SYNDIG1: variants seen among roughly 807,000 people sequenced by gnomAD.
The protein encoded by SYNDIG1 is synapse differentiation-inducing gene protein 1.
SYNDIG1 carries 9 observed loss-of-function variants against 19.4 expected under a neutral mutation model. The observed-to-expected ratio is 0.46, with a 90% CI of 0.28 to 0.81. SYNDIG1 has a LOEUF of 0.81. Among genes scored for constraint, SYNDIG1 ranks in the 30% least tolerant of loss-of-function variants. The probability of loss-of-function intolerance (pLI) is 0.12; values close to 1 mark genes in which losing one functional copy is unlikely to be tolerated. For missense variants in SYNDIG1, 311 were observed against 343.3 expected, an observed-to-expected ratio of 0.91 and a Z score of 0.74; for synonymous variants, 141 against 145.9, an observed-to-expected ratio of 0.97 and a Z score of 0.24.
At chr20:24,641,808 G>A (rs1018328032) in intron 3 of SYNDIG1, among the ~76,000 whole-genome samples, 11 of 152,250 alleles carry the variant, frequency 7.2e-5, no homozygotes, top group Admixed American at 2.0e-4. Flanking sequence ...CCCATGCCAC[G>A]CCCTGATGTT....
chr20:24,537,412 A>G (rs1156256320), intron 1 of SYNDIG1, among the ~76,000 whole-genome samples: 5 of 151,978 alleles, frequency 3.3e-5, no homozygotes. Context: ...TTTTCTCAGT[A>G]TGGTATACAG....
At chr20:24,597,715 C>T (rs1887057) in intron 3 of SYNDIG1, among the ~76,000 whole-genome samples, 30,336 of 152,030 alleles carry the variant, frequency 0.2, 3,706 homozygotes, top group Admixed American at 0.35. Context: ...CCAGCGAACA[C>T]GGGGGAAATG....
intron 1 of SYNDIG1, among the ~76,000 whole-genome samples, chr20:24,509,011 T>C (rs573480890): frequency 6.6e-6 from 1 of 152,208 alleles, no homozygotes; most frequent in South Asian, 2.1e-4. Flanking sequence ...CAGTAAAAAA[T>C]GTAAAGAATC....
chr20:24,654,747 A>C (rs1262939739), intron 3 of SYNDIG1, among the ~76,000 whole-genome samples: 1 of 152,192 alleles, frequency 6.6e-6, no homozygotes, highest in African/African-American at 2.4e-5. Context: ...TCAACATTTT[A>C]GAACACCCAG....
Position 24,630,666 on chromosome 20 carries a change from A to G in SYNDIG1, c.619-34680A>G, listed in dbSNP as rs2059226278. ...CTTACGTGGCTGCAGCAACATCCAC[A>G]CTCCTGAGGTCCTGGGTCCTGGGAG... On this transcript the variant is annotated intron_variant, in intron 3 of 3. Coordinates refer to ENST00000376862, the MANE Select transcript of SYNDIG1 (RefSeq NM_024893.3). 2.0e-5 allele frequency among the ~76,000 whole-genome samples: 3 copies of G among 151,868 alleles called. No individual in the cohort carries two copies. The South Asian group carries it at 6.2e-4, about 31-fold the overall frequency.
intron 3 of SYNDIG1, among the ~76,000 whole-genome samples, chr20:24,612,394 T>A (rs2147183559): frequency 6.6e-6 from 1 of 152,308 alleles, no homozygotes; most frequent in South Asian, 2.1e-4. Context: ...ATGGTCCCTG[T>A]TGACATAAAC....
At chr20:24,664,153 G>A (rs758206311) in intron 3 of SYNDIG1, among the ~76,000 whole-genome samples, 5 of 151,820 alleles carry the variant, frequency 3.3e-5, no homozygotes, top group East Asian at 1.9e-4. Context: ...GCCAAGCAGC[G>A]GCAGGCATCC....
chr20:24,661,794 G>A (rs1246970823), intron 3 of SYNDIG1, among the ~76,000 whole-genome samples: 1 of 152,092 alleles, frequency 6.6e-6, no homozygotes, highest in Non-Finnish European at 1.5e-5. Flanking sequence ...AGCGTCAGAA[G>A]GAAGCAGGGC....
At chr20:24,533,056 G>T (rs1568617594) in intron 1 of SYNDIG1, among the ~76,000 whole-genome samples, 1 of 151,922 alleles carries the variant, frequency 6.6e-6, no homozygotes, top group African/African-American at 2.4e-5. Flanking sequence ...CGTCTTTTAG[G>T]GGCAGGATTA....
At chr20:24,576,678 C>T (rs1266774333) in intron 2 of SYNDIG1, among the ~76,000 whole-genome samples, 1 of 152,114 alleles carries the variant, frequency 6.6e-6, no homozygotes, top group African/African-American at 2.4e-5. Context: ...GTAATGACCA[C>T]CCCCGTCCCT....
intron 3 of SYNDIG1, among the ~76,000 whole-genome samples, chr20:24,602,778 G>C (rs1319370666): frequency 6.6e-6 from 1 of 152,126 alleles, no homozygotes; most frequent in Non-Finnish European, 1.5e-5. Flanking sequence ...TTACCAGTCT[G>C]GCATTATTAG....
At chr20:24,663,214 C>T (rs1262532185) in intron 3 of SYNDIG1, among the ~76,000 whole-genome samples, 1 of 152,190 alleles carries the variant, frequency 6.6e-6, no homozygotes, top group East Asian at 1.9e-4. Flanking sequence ...CTTGCTAAGG[C>T]TGCATCTGTT....
chr20:24,530,442 G>C lies in SYNDIG1; in HGVS notation c.-78-12578G>C, dbSNP rs143350860. ...ATGCTAAATAGTAATAACTGATCTG[G>C]TCCCAAATGTTTCATTAACTCTCTC... On this transcript the variant is annotated intron_variant, in intron 1 of 3. Transcript: ENST00000376862. Among the ~76,000 whole-genome samples, 4 of 152,286 alleles carry C rather than the reference G, an allele frequency of 2.6e-5. No homozygotes were observed. In the East Asian group the frequency reaches 7.7e-4, roughly 29 times the overall value.
At chr20:24,582,450 ATCCT>A (rs146994799) in intron 2 of SYNDIG1, among the ~76,000 whole-genome samples, 1,583 of 95,062 alleles carry the variant, frequency 0.017, 44 homozygotes, top group African/African-American at 0.066. Flanking sequence ...ACCCCTTCAC[ATCCT>A]TCCCCCTGCA....
intron 3 of SYNDIG1, among the ~76,000 whole-genome samples, chr20:24,652,200 G>T (rs149666361): frequency 6.6e-6 from 1 of 152,192 alleles, no homozygotes; most frequent in South Asian, 2.1e-4. Context: ...TGGGATTGAC[G>T]GGAAAGCCAG....
chr20:24,507,228 C>A (rs925151067), intron 1 of SYNDIG1, among the ~76,000 whole-genome samples: 17 of 152,340 alleles, frequency 1.1e-4, no homozygotes, highest in East Asian at 7.7e-4. Context: ...GACCTCCCCC[C>A]ACAGCCTGCC....
chr20:24,523,687 C>T (rs1184537119), intron 1 of SYNDIG1, among the ~76,000 whole-genome samples: 3 of 152,104 alleles, frequency 2.0e-5, no homozygotes, highest in Non-Finnish European at 4.4e-5. Flanking sequence ...ATATTTGGAC[C>T]GATGGAGTTC....
At chr20:24,626,353 C>G (rs2059134570) in intron 3 of SYNDIG1, among the ~76,000 whole-genome samples, 1 of 151,080 alleles carries the variant, frequency 6.6e-6, no homozygotes, top group Non-Finnish European at 1.5e-5. Flanking sequence ...CTCCTCACTT[C>G]TCAGACAGGA....
chr20:24,561,204 C>G (rs2057938981), intron 2 of SYNDIG1, among the ~76,000 whole-genome samples: 2 of 152,130 alleles, frequency 1.3e-5, no homozygotes, highest in East Asian at 1.9e-4. Flanking sequence ...CAAGTCTGCT[C>G]CAGCCCCTGC....
Sources: allele counts gnomAD v4.1 joint callset (sites outside exome capture counted in the v4.1 genomes callset), GRCh38; gene constraint gnomAD v4.1.1; transcripts MANE v1.5; gene names NCBI Gene and HGNC (gene_info 2026-07-23, HGNC 2026-07-21).